Variants in GABRG3 observed in about 807,000 individuals in gnomAD.
GABRG3 encodes gamma-aminobutyric acid type A receptor subunit gamma3, also known as gamma-aminobutyric acid receptor subunit gamma-3.
A neutral mutation model predicts 48.8 loss-of-function variants in GABRG3; 25 were observed. The observed-to-expected ratio is 0.51, with a 90% confidence interval of 0.37 to 0.72. The LOEUF is 0.72. Ranked by LOEUF, GABRG3 falls within the 30% of genes least tolerant of loss-of-function variation. The pLI is 0.00. For synonymous variants in GABRG3, 227 were observed against 217.6 expected, an observed-to-expected ratio of 1.04 and a Z score of -0.38; for missense variants, 394 against 577.9, an observed-to-expected ratio of 0.68 and a Z score of 3.26.
chr15:27,094,903 CAT>C (rs1897246919), intron 3 of GABRG3, among the ~76,000 whole-genome samples: 1 of 152,220 alleles, frequency 6.6e-6, no homozygotes, highest in South Asian at 2.1e-4. Context: ...TGACAACAAA[CAT>C]ACACACAATT....
intron 3 of GABRG3, among the ~76,000 whole-genome samples, chr15:27,283,194 C>T (rs1334438578): frequency 6.6e-6 from 1 of 152,144 alleles, no homozygotes; most frequent in East Asian, 1.9e-4. Flanking sequence ...TGGTCTCTGC[C>T]AGCACCATGA....
chr15:27,256,322 G>T (rs748726913), intron 3 of GABRG3, among the ~76,000 whole-genome samples: 61 of 151,918 alleles, frequency 4.0e-4, no homozygotes, highest in East Asian at 7.8e-4. Context: ...GCGCCTGTAG[G>T]CCCAGCTACT....
At chr15:27,282,311 C>A (rs977568668) in intron 3 of GABRG3, among the ~76,000 whole-genome samples, 1 of 152,036 alleles carries the variant, frequency 6.6e-6, no homozygotes, top group Non-Finnish European at 1.5e-5. Flanking sequence ...TATTTTCTTT[C>A]TTCTCTCCTT....
intron 3 of GABRG3, among the ~76,000 whole-genome samples, chr15:27,055,650 A>C (rs1346534527): frequency 6.6e-6 from 1 of 152,158 alleles, no homozygotes; most frequent in African/African-American, 2.4e-5. Flanking sequence ...ACATAAATGA[A>C]TTCCTGTTTA....
At chr15:27,134,110 C>T (rs982770059) in intron 3 of GABRG3, among the ~76,000 whole-genome samples, 5 of 152,120 alleles carry the variant, frequency 3.3e-5, no homozygotes, top group Admixed American at 2.6e-4. Context: ...CTGAGCTTGT[C>T]CATAGGCATC....
chr15:27,070,589 C>CT (rs1896811284), intron 3 of GABRG3, among the ~76,000 whole-genome samples: 1 of 152,178 alleles, frequency 6.6e-6, no homozygotes, highest in East Asian at 1.9e-4. Flanking sequence ...TATTTTTGCC[C>CT]TTTTTTGCTT....
intron 6 of GABRG3, among the ~76,000 whole-genome samples, chr15:27,517,356 T>C (rs1224849113): frequency 3.3e-5 from 5 of 152,262 alleles, no homozygotes; most frequent in Admixed American, 1.3e-4. Context: ...CTGGTGCTAC[T>C]GCCTCCCTCC....
At chr15:27,126,703 G>A (rs937315852) in intron 3 of GABRG3, among the ~76,000 whole-genome samples, 10 of 152,322 alleles carry the variant, frequency 6.6e-5, no homozygotes, top group African/African-American at 2.4e-4. Flanking sequence ...CTGAGCCACT[G>A]GGCAATAATG....
intron 3 of GABRG3, among the ~76,000 whole-genome samples, chr15:27,098,425 C>A (rs570505974): frequency 6.6e-6 from 1 of 152,184 alleles, no homozygotes; most frequent in Non-Finnish European, 1.5e-5. Flanking sequence ...CAGACAGACA[C>A]TCCGTCTCAA....
chr15:27,351,316 A>G (rs1161828674), intron 5 of GABRG3, among the ~76,000 whole-genome samples: 52 of 96,286 alleles, frequency 5.4e-4, no homozygotes, highest in East Asian at 1.5e-3. Context: ...TGTATGGTGT[A>G]TGTGTATGGT....
At chr15:27,150,374 A>T (rs936722109) in intron 3 of GABRG3, among the ~76,000 whole-genome samples, 6 of 152,176 alleles carry the variant, frequency 3.9e-5, no homozygotes, top group African/African-American at 1.4e-4. Context: ...CTTTAGAATT[A>T]AAAAATGCAT....
intron 3 of GABRG3, among the ~76,000 whole-genome samples, chr15:27,307,819 A>AAC: frequency 1.1e-5 from 1 of 91,494 alleles, no homozygotes; most frequent in Non-Finnish European, 2.2e-5. Context: ...ACATATATAA[A>AAC]ATAAACATAA....
chr15:26,986,551 C>G (rs938403426), intron 2 of GABRG3, among the ~76,000 whole-genome samples: 3 of 152,210 alleles, frequency 2.0e-5, no homozygotes, highest in Non-Finnish European at 4.4e-5. Flanking sequence ...CCACCCCTAT[C>G]GAGGTAAAGC....
intron 3 of GABRG3, among the ~76,000 whole-genome samples, chr15:27,307,468 T>C (rs534568537): frequency 4.6e-5 from 3 of 65,726 alleles, no homozygotes; most frequent in South Asian, 3.2e-4. Context: ...TATATATTTA[T>C]ATATAAACAT....
At chr15:27,051,019 A>G (rs1166122030) in intron 3 of GABRG3, among the ~76,000 whole-genome samples, 1 of 152,234 alleles carries the variant, frequency 6.6e-6, no homozygotes, top group Non-Finnish European at 1.5e-5. Context: ...TAGCTGTAGC[A>G]CATAAAAGTC....
chr15:27,135,944 CAA>C (rs762473424), intron 3 of GABRG3, among the ~76,000 whole-genome samples: 1 of 151,950 alleles, frequency 6.6e-6, no homozygotes. Flanking sequence ...AACAAAACAA[CAA>C]AAAAGAGAGA....
At chr15:27,329,851 G>C (rs2140520678) in intron 5 of GABRG3, among the ~76,000 whole-genome samples, 1 of 152,274 alleles carries the variant, frequency 6.6e-6, no homozygotes, top group East Asian at 1.9e-4. Flanking sequence ...AAAGATATCT[G>C]GTGAATGAAT....
At chr15:27,002,177 A>G (rs1485270793) in intron 2 of GABRG3, among the ~76,000 whole-genome samples, 1 of 152,134 alleles carries the variant, frequency 6.6e-6, no homozygotes, top group African/African-American at 2.4e-5. Context: ...CCATTACATC[A>G]CTCATTGTAT....
At chr15:27,129,206 A>G (rs1897873286) in intron 3 of GABRG3, among the ~76,000 whole-genome samples, 1 of 152,008 alleles carries the variant, frequency 6.6e-6, no homozygotes, top group African/African-American at 2.4e-5. Context: ...TTAAACAGTG[A>G]CTCCCCAGTC....
Sources: allele counts gnomAD v4.1 joint callset (sites outside exome capture counted in the v4.1 genomes callset), GRCh38; gene constraint gnomAD v4.1.1; transcripts MANE v1.5; gene names NCBI Gene and HGNC (gene_info 2026-07-23, HGNC 2026-07-21).